SGCD: variants seen among roughly 807,000 people sequenced by gnomAD.
SGCD encodes the protein sarcoglycan delta, also known as delta-sarcoglycan.
Under a neutral mutation model 36.6 loss-of-function variants are expected in SGCD, and 18 were observed. The ratio of observed to expected loss-of-function variants is 0.49; its 90% CI spans 0.34 to 0.73. The LOEUF (loss-of-function observed/expected upper bound fraction) is 0.73, where lower values mean the gene tolerates loss of function less well. Among genes scored for constraint, SGCD ranks in the 30% least tolerant of loss-of-function variants. The pLI is 0.01. For synonymous variants in SGCD, 133 were observed against 130.6 expected (o/e 1.02, Z -0.12); for missense variants, 387 against 346.7 (o/e 1.12, Z -0.92).
chr5:156,684,909 A>G (rs1393474431), intron 7 of SGCD, among the ~76,000 whole-genome samples: 6 of 152,218 alleles, frequency 3.9e-5, no homozygotes, highest in Non-Finnish European at 7.3e-5. Flanking sequence ...AATATCTAGT[A>G]ATCAATAAAG....
the SGCD span, among the ~76,000 whole-genome samples, chr5:155,782,201 T>G: frequency 6.6e-6 from 1 of 152,036 alleles, no homozygotes; most frequent in Non-Finnish European, 1.5e-5. Flanking sequence ...ATTTTTGTAT[T>G]TTCAGTAGAG....
intron 1 of SGCD, among the ~76,000 whole-genome samples, chr5:155,941,194 G>A (rs1057357431): frequency 2.6e-4 from 39 of 152,282 alleles, no homozygotes; most frequent in African/African-American, 7.5e-4. Context: ...ACATACTCCC[G>A]TGATAATGAC....
At chr5:156,394,053 A>G (rs1394520352) in intron 3 of SGCD, among the ~76,000 whole-genome samples, 2 of 152,232 alleles carry the variant, frequency 1.3e-5, no homozygotes, top group Admixed American at 1.3e-4. Context: ...TAAGTCTCAT[A>G]TTGGACACTT....
At chr5:156,260,782 G>T (rs1765838989) in intron 3 of SGCD, among the ~76,000 whole-genome samples, 1 of 151,820 alleles carries the variant, frequency 6.6e-6, no homozygotes, top group African/African-American at 2.4e-5. Context: ...AAGAGTATTT[G>T]GTTTTCACCA....
chr5:155,897,064 A>AATCT (rs1331453458), intron 1 of SGCD, among the ~76,000 whole-genome samples: 2 of 152,136 alleles, frequency 1.3e-5, no homozygotes, highest in Admixed American at 1.3e-4. Context: ...TAACAATGGG[A>AATCT]ATCTATTCTG....
chr5:156,040,520 G>T (rs904322367), intron 1 of SGCD, among the ~76,000 whole-genome samples: 2 of 152,136 alleles, frequency 1.3e-5, no homozygotes, highest in African/African-American at 2.4e-5. Context: ...CTTTAGGGCA[G>T]CCAGCACTAC....
intron 1 of SGCD, among the ~76,000 whole-genome samples, chr5:156,101,941 T>TGTGTGAGAGA (rs1218348339): frequency 1.4e-5 from 2 of 138,266 alleles, no homozygotes; most frequent in African/African-American, 5.5e-5. Flanking sequence ...TGTGTGTGTG[T>TGTGTGAGAGA]GAGAGAGAGA....
intron 1 of SGCD, among the ~76,000 whole-genome samples, chr5:156,083,344 G>C (rs934229341): frequency 2.0e-5 from 3 of 151,018 alleles, no homozygotes; most frequent in African/African-American, 7.3e-5. Flanking sequence ...GTCCAGGCTG[G>C]AGTGCAATGG....
At chr5:155,776,084 T>C in the SGCD span, among the ~76,000 whole-genome samples, 7 of 152,310 alleles carry the variant, frequency 4.6e-5, no homozygotes, top group Middle Eastern at 3.4e-3. Context: ...CAGAAATTTA[T>C]ATGATGTTAT....
chr5:156,107,316 G>C (rs1018168565), intron 1 of SGCD, among the ~76,000 whole-genome samples: 1 of 152,058 alleles, frequency 6.6e-6, no homozygotes, highest in East Asian at 1.9e-4. Context: ...GAAGTTGTGG[G>C]CCCTCTGTCT....
At chr5:156,403,763 T>G (rs1204676760) in intron 3 of SGCD, among the ~76,000 whole-genome samples, 1 of 151,818 alleles carries the variant, frequency 6.6e-6, no homozygotes, top group African/African-American at 2.4e-5. Context: ...TTATGGAGGG[T>G]TTTTTTTCTT....
intron 1 of SGCD, among the ~76,000 whole-genome samples, chr5:156,114,067 T>C (rs1331035271): frequency 6.6e-6 from 1 of 152,108 alleles, no homozygotes; most frequent in African/African-American, 2.4e-5. Flanking sequence ...GATACTATAA[T>C]GCTGGATGCA....
chr5:155,805,740 A>T, the SGCD span, among the ~76,000 whole-genome samples: 1 of 152,202 alleles, frequency 6.6e-6, no homozygotes, highest in Non-Finnish European at 1.5e-5. Context: ...AGTGGAGAGG[A>T]GGCGGGTGAG....
intron 3 of SGCD, among the ~76,000 whole-genome samples, chr5:156,142,832 G>C (rs1762610857): frequency 6.6e-6 from 1 of 152,218 alleles, no homozygotes. Flanking sequence ...ATGTAAAAGG[G>C]AAGCAGAGTG....
the SGCD span, among the ~76,000 whole-genome samples, chr5:155,794,587 A>T: frequency 1.3e-5 from 2 of 152,066 alleles, no homozygotes; most frequent in Admixed American, 6.6e-5. Flanking sequence ...CGTAGATGGG[A>T]GCAATAAAAA....
chr5:156,445,587 T>C (rs1753724898), intron 3 of SGCD, among the ~76,000 whole-genome samples: 1 of 152,152 alleles, frequency 6.6e-6, no homozygotes, highest in African/African-American at 2.4e-5. Context: ...TCTAAGGAGC[T>C]GGACTAGCGG....
intron 3 of SGCD, among the ~76,000 whole-genome samples, chr5:156,362,818 G>A (rs1378257649): frequency 2.0e-5 from 3 of 152,086 alleles, no homozygotes; most frequent in African/African-American, 7.2e-5. Flanking sequence ...TTCAAACATT[G>A]TAAATGGACT....
intron 1 of SGCD, among the ~76,000 whole-genome samples, chr5:155,902,863 G>A (rs1266161974): frequency 6.6e-6 from 1 of 152,100 alleles, no homozygotes; most frequent in African/African-American, 2.4e-5. Context: ...AGTTTATTTT[G>A]TTCTTCATAA....
At chr5:156,512,191 C>CAAAAAAAA (rs759345867) in intron 4 of SGCD, among the ~76,000 whole-genome samples, 49 of 66,838 alleles carry the variant, frequency 7.3e-4, no homozygotes, top group Non-Finnish European at 1.1e-3. Flanking sequence ...GACTCTGTCT[C>CAAAAAAAA]AAAAAAAAAA....
Sources: allele counts gnomAD v4.1 joint callset (sites outside exome capture counted in the v4.1 genomes callset), GRCh38; gene constraint gnomAD v4.1.1; transcripts MANE v1.5; gene names NCBI Gene and HGNC (gene_info 2026-07-23, HGNC 2026-07-21).